MDGA2: variants seen among roughly 807,000 people sequenced by gnomAD.
MDGA2 encodes the protein MAM domain-containing glycosylphosphatidylinositol anchor protein 2.
MDGA2 carries 40 observed loss-of-function variants against 117.8 expected under a neutral mutation model. The observed-to-expected ratio is 0.34, with a 90% CI of 0.26 to 0.44. MDGA2 has a LOEUF of 0.44. MDGA2 is among the 20% of genes least tolerant of loss of function. The pLI is 1.00. For synonymous variants in MDGA2, 452 were observed against 439.0 expected, an observed-to-expected ratio of 1.03 and a Z score of -0.37; for missense variants, 1,123 against 1,250.6, an observed-to-expected ratio of 0.90 and a Z score of 1.54.
At chr14:47,041,846 A>G (rs1428574488) in intron 7 of MDGA2, among the ~76,000 whole-genome samples, 1 of 152,118 alleles carries the variant, frequency 6.6e-6, no homozygotes, top group Admixed American at 6.6e-5. Context: ...GTGGAAAAAT[A>G]TCATGCTGTC....
chr14:46,957,407 C>T lies in MDGA2; in HGVS notation c.2056G>A (p.Ala686Thr), dbSNP rs761265567. 1 of 1,613,932 alleles carries T rather than the reference C, an allele frequency of 6.2e-7. No homozygotes were observed. The highest frequency in any genetic ancestry group is 8.5e-7 in the Non-Finnish European group (1 of 1,179,870). ...AGAAAGCTGCATCTCCCAGCTCCAG[C>T]TTCATTTATGATGCTACAGTTATAA... ...GVYNCSIINE[A>T]GAGRCSFLVT... Residue 686 changes from alanine (A) to threonine (T), a missense_variant, in exon 9 of 17, where the codon GCT (alanine) becomes ACT (threonine). Ala to Thr is a moderately conservative substitution (Grantham distance 58, BLOSUM62 0). Around this residue, in one of 2 missense-constraint regions of MDGA2, gnomAD observed 890 missense variants for 1,050.3 expected, o/e 0.85. Transcript: ENST00000399232.
At chr14:46,889,470 C>A (rs994643643) in intron 10 of MDGA2, among the ~76,000 whole-genome samples, 1 of 152,056 alleles carries the variant, frequency 6.6e-6, no homozygotes, top group African/African-American at 2.4e-5. Flanking sequence ...TCCTTGAAAG[C>A]ATCCTGGTGT....
chr14:46,926,809 G>A (rs538725050), intron 9 of MDGA2, among the ~76,000 whole-genome samples: 1 of 152,116 alleles, frequency 6.6e-6, no homozygotes, highest in African/African-American at 2.4e-5. Flanking sequence ...AGAAGCTAAT[G>A]GATTGAATGA....
intron 9 of MDGA2, among the ~76,000 whole-genome samples, chr14:46,933,799 A>T (rs1254357140): frequency 5.7e-5 from 5 of 87,280 alleles, no homozygotes; most frequent in African/African-American, 2.1e-4. Context: ...TTATGTAACA[A>T]ATATATATAT....
chr14:47,282,284 C>A (rs920212607), intron 2 of MDGA2, among the ~76,000 whole-genome samples: 7 of 152,042 alleles, frequency 4.6e-5, no homozygotes, highest in African/African-American at 1.4e-4. Context: ...TTAATGCAGT[C>A]ACTTGAGGTT....
rs551854340 is a variant in MDGA2 at position 47,308,268 on chromosome 14, G to A, written c.281-6718C>T. Among the ~76,000 whole-genome samples the A allele has an allele frequency of 3.9e-5, 6 of 152,182 alleles. 1 individual carries two copies. The highest frequency in any genetic ancestry group is 1.2e-4 in the African/African-American group (5 of 41,528). ...ATTTAGGCTTACTCATATGTAAAAAGGAGTGATAAGTGAAAAACTGAATAT... is the reference window on the plus strand; with the variant it reads ...ATTTAGGCTTACTCATATGTAAAAAAGAGTGATAAGTGAAAAACTGAATAT... On this transcript the variant is annotated intron_variant, in intron 1 of 16. Coordinates refer to ENST00000399232, the MANE Select transcript of MDGA2 (RefSeq NM_001113498.3).
chr14:47,291,031 T>C (rs1293082404), intron 2 of MDGA2, among the ~76,000 whole-genome samples: 1 of 152,164 alleles, frequency 6.6e-6, no homozygotes, highest in Non-Finnish European at 1.5e-5. Context: ...CTCCAAAATC[T>C]AAAGTTCTGT....
At chr14:47,043,415 T>C (rs1257714477) in intron 7 of MDGA2, among the ~76,000 whole-genome samples, 1 of 151,914 alleles carries the variant, frequency 6.6e-6, no homozygotes, top group Non-Finnish European at 1.5e-5. Context: ...TTTTTGTGTG[T>C]GGTGGTGGTT....
chr14:47,168,164 C>A (rs1041850881), intron 3 of MDGA2, among the ~76,000 whole-genome samples: 2 of 150,806 alleles, frequency 1.3e-5, no homozygotes, highest in African/African-American at 4.9e-5. Flanking sequence ...AAGGAGTTTG[C>A]TTTTCCTCTT....
At chr14:47,314,263 T>C (rs11845225) in intron 1 of MDGA2, among the ~76,000 whole-genome samples, 41,546 of 152,168 alleles carry the variant, frequency 0.27, 6,467 homozygotes, top group Admixed American at 0.47. Flanking sequence ...GTCCCACCCA[T>C]AGTGTGCTGG....
At chr14:47,056,397 G>A (rs1439471127) in intron 7 of MDGA2, among the ~76,000 whole-genome samples, 5 of 152,060 alleles carry the variant, frequency 3.3e-5, no homozygotes, top group Non-Finnish European at 7.4e-5. Context: ...TTTCTCAATT[G>A]GTCACCACTA....
At chr14:47,353,468 C>G (rs1890927320) in intron 1 of MDGA2, among the ~76,000 whole-genome samples, 1 of 152,140 alleles carries the variant, frequency 6.6e-6, no homozygotes. Flanking sequence ...ATTGTGTTCT[C>G]TCAAAATTTG....
At chr14:47,555,214 T>C (rs1895660905) in intron 1 of MDGA2, among the ~76,000 whole-genome samples, 1 of 152,212 alleles carries the variant, frequency 6.6e-6, no homozygotes, top group Non-Finnish European at 1.5e-5. Context: ...GTCGTACAAC[T>C]ATCTAGCAGT....
chr14:47,578,209 C>A (rs942483788), intron 1 of MDGA2, among the ~76,000 whole-genome samples: 2 of 151,612 alleles, frequency 1.3e-5, no homozygotes, highest in Non-Finnish European at 2.9e-5. Flanking sequence ...GTAAGTGAGA[C>A]AGATGGACAC....
At chr14:47,430,755 G>A (rs913476986) in intron 1 of MDGA2, among the ~76,000 whole-genome samples, 5 of 151,918 alleles carry the variant, frequency 3.3e-5, no homozygotes, top group African/African-American at 1.2e-4. Flanking sequence ...TCAAATGATG[G>A]CATCTCATTC....
intron 5 of MDGA2, among the ~76,000 whole-genome samples, chr14:47,098,261 GAA>G (rs71112482): frequency 1.6e-3 from 139 of 89,310 alleles, no homozygotes; most frequent in African/African-American, 2.2e-3. Flanking sequence ...TGCCGTGTTT[GAA>G]AAAAAAAAAA....
intron 1 of MDGA2, among the ~76,000 whole-genome samples, chr14:47,638,869 A>C (rs1897369990): frequency 6.6e-6 from 1 of 152,134 alleles, no homozygotes; most frequent in Admixed American, 6.6e-5. Context: ...GTCAAGCCTC[A>C]CACAACTGGG....
intron 1 of MDGA2, among the ~76,000 whole-genome samples, chr14:47,561,563 T>G (rs1459734441): frequency 6.6e-6 from 1 of 152,192 alleles, no homozygotes; most frequent in Non-Finnish European, 1.5e-5. Flanking sequence ...GCTACTGATT[T>G]ATGTACATTG....
intron 8 of MDGA2, among the ~76,000 whole-genome samples, chr14:46,994,541 A>T (rs1034463871): frequency 1.3e-5 from 2 of 149,024 alleles, no homozygotes; most frequent in East Asian, 4.0e-4. Flanking sequence ...ACACACACAC[A>T]CTCAAAACAC....
Sources: allele counts gnomAD v4.1 joint callset (sites outside exome capture counted in the v4.1 genomes callset), GRCh38; gene constraint gnomAD v4.1.1; regional missense constraint gnomAD v4.1.1; transcripts MANE v1.5; gene names NCBI Gene and HGNC (gene_info 2026-07-23, HGNC 2026-07-21).